RBM20: variants seen among roughly 807,000 people sequenced by gnomAD.
The protein encoded by RBM20 is RNA binding motif protein 20, also known as RNA-binding protein 20.
A neutral mutation model predicts 110.1 loss-of-function variants in RBM20; 51 were observed. The ratio of observed to expected loss-of-function variants is 0.46; its 90% confidence interval spans 0.37 to 0.59. RBM20 has a LOEUF of 0.59. Ranked by LOEUF, RBM20 falls within the 20% of genes least tolerant of loss-of-function variation. The probability of loss-of-function intolerance (pLI) is 0.00; values close to 1 mark genes in which losing one functional copy is unlikely to be tolerated. For missense variants in RBM20, 1,512 were observed against 1,574.9 expected (o/e 0.96, Z 0.68); for synonymous variants, 589 against 618.2 (o/e 0.95, Z 0.70).
chr10:110,667,138 T>C (rs1862190409), intron 1 of RBM20, among the ~76,000 whole-genome samples: 1 of 152,192 alleles, frequency 6.6e-6, no homozygotes, highest in African/African-American at 2.4e-5. Flanking sequence ...GACATGAGAT[T>C]GTCCATATGA....
At position 110,739,379 on chromosome 10, in the gene RBM20, A is replaced by C. The variant is rs1026987441; in HGVS notation, c.192-41422A>C. Among the ~76,000 whole-genome samples the C allele has an allele frequency of 1.3e-5, 2 of 152,222 alleles. No individual in the cohort carries two copies. Among genetic ancestry groups the C allele is most frequent in the African/African-American group, 4.8e-5 (2 of 41,450 alleles). ...GCACTGTCCTGGACACTAGGGATTC[A>C]GCAGTGAACAAAAACAGACAAAATT... On this transcript the variant is annotated intron_variant, in intron 1 of 13. Transcript: ENST00000369519. This position sits in a 1 kb window ranked among gnomAD's most constrained non-coding sequence, Gnocchi z 4.1.
Position 110,836,126 on chromosome 10 carries a change from A to T in RBM20, c.*148A>T. ...ACATTGCTTGGGCTTGTTCCCAGAG[A>T]CTCAGTGAAATGCCCCTGATATGTC... On this transcript the variant is annotated 3_prime_UTR_variant, in exon 14 of 14. Transcript: ENST00000369519. The T allele has an allele frequency of 1.9e-6, 1 of 514,446 alleles. No individual in the cohort carries two copies. The highest frequency in any genetic ancestry group is 3.1e-5 in the South Asian group (1 of 32,498). 31.9% of individuals were successfully genotyped at this position (514,446 alleles called of 1,614,324 possible).
chr10:110,649,006 T>A (rs574741832), intron 1 of RBM20, among the ~76,000 whole-genome samples: 1 of 152,292 alleles, frequency 6.6e-6, no homozygotes, highest in African/African-American at 2.4e-5. Context: ...AAGAAGAATT[T>A]GATCACCCTT....
intron 1 of RBM20, among the ~76,000 whole-genome samples, chr10:110,757,706 T>TG (rs1186170954): frequency 6.6e-6 from 1 of 152,168 alleles, no homozygotes; most frequent in Admixed American, 6.5e-5. Flanking sequence ...CATTGACTGT[T>TG]GGGGAATAAA....
intron 1 of RBM20, among the ~76,000 whole-genome samples, chr10:110,729,009 G>T (rs1843593049): frequency 6.6e-6 from 1 of 152,200 alleles, no homozygotes; most frequent in Non-Finnish European, 1.5e-5. Context: ...TCAGAATCAT[G>T]TGAACTGAAG....
chr10:110,693,370 C>A (rs939241697), intron 1 of RBM20, among the ~76,000 whole-genome samples: 1 of 152,084 alleles, frequency 6.6e-6, no homozygotes, highest in East Asian at 1.9e-4. Flanking sequence ...GTAGAATTTA[C>A]CAGTGAAGCT....
intron 1 of RBM20, among the ~76,000 whole-genome samples, chr10:110,765,785 A>G (rs1245100979): frequency 6.6e-6 from 1 of 152,144 alleles, no homozygotes; most frequent in East Asian, 1.9e-4. Flanking sequence ...TTTAACCTCA[A>G]AAATAGCTTT....
At position 110,821,969 on chromosome 10, in the gene RBM20, G is replaced by A. The variant is rs765058166; in HGVS notation, c.3316+34G>A. ...CTCCCCTTTCCTCACGGGTGGTCGG[G>A]TTGATTGGACTCCTGCTCACCTGAT... is the stretch of plus-strand genomic sequence containing the variant. On this transcript the variant is annotated intron_variant, in intron 11 of 13. Coordinates refer to ENST00000369519, the MANE Select transcript of RBM20 (RefSeq NM_001134363.3). 2.5e-5 allele frequency: 39 copies of A among 1,543,344 alleles called. 1 individual carries two copies. In the South Asian group the frequency reaches 4.5e-4, roughly 18 times the overall value.
intron 8 of RBM20, among the ~76,000 whole-genome samples, chr10:110,810,854 T>TGC (rs1174633597): frequency 1.3e-5 from 2 of 151,916 alleles, no homozygotes; most frequent in East Asian, 3.9e-4. Context: ...TGCGTGTGTG[T>TGC]GTGTGTGTAC....
At position 110,778,495 on chromosome 10, in the gene RBM20, G is replaced by T. The variant is rs555554574; in HGVS notation, c.192-2306G>T. The stretch of plus-strand genomic sequence containing the variant: ...CTAGCTCCCAGCCTCTCTCGTTTTT[G>T]TTCCATTATCATTGGATTTTTACTG... On this transcript the variant is annotated intron_variant, in intron 1 of 13. Coordinates refer to ENST00000369519, the MANE Select transcript of RBM20 (RefSeq NM_001134363.3). 4.6e-5 allele frequency among the ~76,000 whole-genome samples: 7 copies of T among 152,250 alleles called. No individual in the cohort carries two copies. The South Asian group carries it at 1.5e-3, about 32-fold the overall frequency.
Position 110,712,727 on chromosome 10 carries a change from A to G in RBM20, c.192-68074A>G, listed in dbSNP as rs184949004. On this transcript the variant is annotated intron_variant, in intron 1 of 13. Transcript: ENST00000369519. ...GATTGCAGTGAGCTGAGATCGCACC[A>G]CTGCACTCCAGCCTGGGTGTCAGAA... 9.1e-3 allele frequency among the ~76,000 whole-genome samples: 1,393 copies of G among 152,316 alleles called. 60 individuals carry two copies. Among genetic ancestry groups the G allele is most frequent in the Admixed American group, 0.072 (1,099 of 15,300 alleles).
intron 1 of RBM20, among the ~76,000 whole-genome samples, chr10:110,736,086 C>A (rs1211061594): frequency 6.6e-6 from 1 of 152,222 alleles, no homozygotes; most frequent in Non-Finnish European, 1.5e-5. Flanking sequence ...ACTTTCAGAC[C>A]TGGAGATGAA....
At chr10:110,716,696 G>A (rs1220703682) in intron 1 of RBM20, among the ~76,000 whole-genome samples, 1 of 152,048 alleles carries the variant, frequency 6.6e-6, no homozygotes, top group African/African-American at 2.4e-5. Context: ...GGCAGATCCT[G>A]AGGTCAGGAG....
At chr10:110,725,183 ACTAGTGGTG>A (rs1267718753) in intron 1 of RBM20, among the ~76,000 whole-genome samples, 1 of 152,212 alleles carries the variant, frequency 6.6e-6, no homozygotes, top group African/African-American at 2.4e-5. Context: ...AGTTGAGTGT[ACTAGTGGTG>A]CTAACATTTT....
chr10:110,817,979 C>T (rs529578288), intron 9 of RBM20, among the ~76,000 whole-genome samples: 1 of 152,232 alleles, frequency 6.6e-6, no homozygotes, highest in East Asian at 1.9e-4. Context: ...AGTATTTAAG[C>T]AAGAAAATAC....
rs190211273 is a variant in RBM20, at chr10:110,825,639, T to C, written c.3451+2025T>C. Among the ~76,000 whole-genome samples the C allele has an allele frequency of 3.3e-5, 5 of 152,366 alleles. No homozygotes were observed. In the East Asian group the frequency reaches 9.6e-4, roughly 29 times the overall value. Reference sequence around the variant, plus strand: ...ATGTCAGTACATAGAGAACACATTCTTTTTAACCACTGCAAATATTCCATC... The same window carrying C: ...ATGTCAGTACATAGAGAACACATTCCTTTTAACCACTGCAAATATTCCATC... On this transcript the variant is annotated intron_variant, in intron 12 of 13. Coordinates refer to ENST00000369519, the MANE Select transcript of RBM20 (RefSeq NM_001134363.3).
chr10:110,778,754 T>C (rs770175730), intron 1 of RBM20, among the ~76,000 whole-genome samples: 6 of 152,314 alleles, frequency 3.9e-5, no homozygotes, highest in Admixed American at 2.0e-4. Context: ...GAAAATGTGG[T>C]CTTAACCAAA....
intron 5 of RBM20, among the ~76,000 whole-genome samples, chr10:110,790,797 C>A (rs559202694): frequency 2.0e-5 from 3 of 152,048 alleles, no homozygotes; most frequent in South Asian, 4.1e-4. Context: ...ATCAAGTCTG[C>A]GATTGATAGG....
chr10:110,712,180 C>T (rs1244738714), intron 1 of RBM20, among the ~76,000 whole-genome samples: 1 of 152,176 alleles, frequency 6.6e-6, no homozygotes, highest in African/African-American at 2.4e-5. Context: ...TCAGACCAAA[C>T]AAGGTGCTCA....
Sources: gnomAD v4.1 joint callset for allele counts (sites outside exome capture counted in the v4.1 genomes callset) on GRCh38, gnomAD v4.1.1 for gene constraint, Gnocchi (gnomAD v3.1) non-coding constraint, MANE v1.5 for transcripts, NCBI Gene and HGNC (gene_info 2026-07-23, HGNC 2026-07-21) for gene names.